SIM1: variants seen among roughly 807,000 people sequenced by gnomAD.
SIM1 encodes SIM bHLH transcription factor 1, also known as single-minded homolog 1.
In SIM1, 18 loss-of-function variants were observed where a neutral mutation model predicts 78.2. That is an observed-to-expected ratio of 0.23 (90% confidence interval 0.16 to 0.34). The LOEUF is 0.34. Among genes scored for constraint, SIM1 ranks in the 10% least tolerant of loss-of-function variants. SIM1 has a pLI of 1.00. For missense variants in SIM1, 939 were observed against 975.1 expected, an observed-to-expected ratio of 0.96 and a Z score of 0.49; for synonymous variants, 417 against 385.2, an observed-to-expected ratio of 1.08 and a Z score of -0.97.
intron 9 of SIM1, among the ~76,000 whole-genome samples, chr6:100,433,054 C>A (rs1400304065): frequency 6.6e-6 from 1 of 152,100 alleles, no homozygotes; most frequent in Non-Finnish European, 1.5e-5. Flanking sequence ...AAATCTGACC[C>A]CTCACCACTA....
At chr6:100,439,971 G>A (rs1772164588) in intron 9 of SIM1, among the ~76,000 whole-genome samples, 1 of 152,194 alleles carries the variant, frequency 6.6e-6, no homozygotes, top group South Asian at 2.1e-4. Flanking sequence ...GGAGGTTTGT[G>A]TGTTAAGGGA....
intron 2 of SIM1, among the ~76,000 whole-genome samples, chr6:100,456,304 C>A (rs1426093105): frequency 1.3e-5 from 2 of 152,100 alleles, no homozygotes; most frequent in Non-Finnish European, 2.9e-5. Context: ...CCTTCGGTGA[C>A]GCGCTCTAGC....
chr6:100,439,924 A>G (rs910461630), intron 9 of SIM1, among the ~76,000 whole-genome samples: 4 of 152,168 alleles, frequency 2.6e-5, no homozygotes, highest in African/African-American at 9.6e-5. Context: ...GCCTAACCAA[A>G]CTGCAGAAAT....
chr6:100,390,741 A>T lies in SIM1; in HGVS notation c.1921T>A (p.Leu641Met), dbSNP rs1320272389. The change falls in exon 12 of 12, where the codon TTG becomes ATG. Residue 641 changes from leucine to methionine, a missense_variant. Around this residue, in one of 5 missense-constraint regions of SIM1, gnomAD observed 556 missense variants for 521.9 expected, o/e 1.07. Coordinates refer to ENST00000369208, the MANE Select transcript of SIM1 (RefSeq NM_005068.3). Reference protein sequence around the residue: ...DHIQQREGKMLSPHENDYDNS... With the variant: ...DHIQQREGKMMSPHENDYDNS... The stretch of plus-strand genomic sequence containing the variant: ...TCATAGTCATTTTCATGGGGGCTCA[A>T]CATTTTTCCCTCTCTCTGCTGGATA... 6.2e-7 allele frequency: 1 copy of T among 1,614,116 alleles called. No individual in the cohort carries two copies. The highest frequency in any genetic ancestry group is 8.5e-7 in the Non-Finnish European group (1 of 1,180,016).
At chr6:100,441,397 G>A (rs1159533491) in intron 9 of SIM1, among the ~76,000 whole-genome samples, 3 of 152,026 alleles carry the variant, frequency 2.0e-5, no homozygotes, top group East Asian at 1.9e-4. Flanking sequence ...GGCAGAAAAG[G>A]GTCAATTCCT....
chr6:100,394,006 C>A, intron 10 of SIM1, 117 bp from the exon 11 acceptor site: 4 of 1,038,774 alleles, frequency 3.9e-6, no homozygotes, highest in Non-Finnish European at 5.3e-6. Flanking sequence ...GTCTCATTGT[C>A]CTGAGGTCGT....
intron 2 of SIM1, chr6:100,462,564 T>C (rs1012892468): frequency 6.6e-6 from 1 of 152,204 alleles, no homozygotes; most frequent in Non-Finnish European, 1.5e-5. Context: ...GACAATTTTC[T>C]CAGGATCTAT....
chr6:100,446,578 T>G lies in SIM1; in HGVS notation c.998+690A>C, dbSNP rs561940492. On this transcript the variant is annotated intron_variant, in intron 9 of 11. Transcript: ENST00000369208. ...GGCCACACTGGCAACCAGAAACGATTATTGTTTCTAGAAAGAATAAGGCTC... is the reference window on the plus strand; with the variant it reads ...GGCCACACTGGCAACCAGAAACGATGATTGTTTCTAGAAAGAATAAGGCTC... Among the ~76,000 whole-genome samples the G allele has an allele frequency of 2.0e-5, 3 of 152,326 alleles. No individual in the cohort carries two copies. The South Asian group carries it at 6.2e-4, about 32-fold the overall frequency.
At chr6:100,410,267 G>A (rs1771159883) in intron 10 of SIM1, among the ~76,000 whole-genome samples, 3 of 152,128 alleles carry the variant, frequency 2.0e-5, no homozygotes, top group East Asian at 1.9e-4. Context: ...CCCTAGATAC[G>A]TTTTGATAGT....
rs757203184 is a variant in SIM1 at position 100,393,728 on chromosome 6, G to A, written c.1329C>T (p.Ser443=). ...CAAGCGCAAAGCCATAGCAGAGAGA[G>A]CTGCGGTCCGAAAACTGTCTGTAGG... ...SCAYRQFSDR[S]SLCYGFALDH... is the part of the protein sequence containing the mutation. Residue 443 remains serine (S), a synonymous_variant, in exon 11 of 12, where the codon AGC becomes AGT. Transcript: ENST00000369208. 1 of 1,614,126 alleles carries A rather than the reference G, an allele frequency of 6.2e-7. No homozygotes were observed. Among genetic ancestry groups the A allele is most frequent in the East Asian group, 2.2e-5 (1 of 44,892 alleles).
Position 100,448,489 on chromosome 6 carries a change from G to T in SIM1, c.733C>A (p.Leu245Met). 6.2e-7 allele frequency: 1 copy of T among 1,613,900 alleles called. No individual in the cohort carries two copies. The highest frequency in any genetic ancestry group is 8.5e-7 in the Non-Finnish European group (1 of 1,179,980). Residue 245 changes from leucine (L) to methionine (M), a missense_variant, in exon 7 of 12, where the codon CTG (leucine) becomes ATG (methionine). Leu to Met is a conservative substitution (Grantham distance 15). This residue lies in a region of SIM1 where 187 missense variants were observed against 191.6 expected (regional missense o/e 0.98). Transcript: ENST00000369208. ...RASLDMKLIFLDSRVAELTGY... is the reference protein window; with the variant it reads ...RASLDMKLIFMDSRVAELTGY... ...GCCCTGCCCACCCACCTGGAGTCCA[G>T]AAAGATGAGCTTCATGTCCAGGCTG...
intron 9 of SIM1, among the ~76,000 whole-genome samples, chr6:100,431,124 C>T (rs993867905): frequency 3.3e-5 from 5 of 152,142 alleles, no homozygotes; most frequent in African/African-American, 1.2e-4. Flanking sequence ...ATTCTGAACT[C>T]CCCAGGAAAT....
intron 10 of SIM1, among the ~76,000 whole-genome samples, chr6:100,396,768 C>T (rs1770779548): frequency 6.6e-6 from 1 of 152,192 alleles, no homozygotes; most frequent in African/African-American, 2.4e-5. Flanking sequence ...GAGGACACTA[C>T]AGCCGCATTA....
At chr6:100,412,683 A>AAGAAAAAG (rs763796634) in intron 10 of SIM1, among the ~76,000 whole-genome samples, 17 of 77,042 alleles carry the variant, frequency 2.2e-4, no homozygotes, top group Non-Finnish European at 4.1e-4. Flanking sequence ...GAAAGAAAGA[A>AAGAAAAAG]AAAGAAAGAA....
At chr6:100,461,936 C>T (rs961336687) in intron 2 of SIM1, among the ~76,000 whole-genome samples, 1 of 146,354 alleles carries the variant, frequency 6.8e-6, no homozygotes, top group Non-Finnish European at 1.5e-5. Context: ...GTTCAAGGAA[C>T]TGCTTTAGGA....
chr6:100,439,001 T>C (rs891206402), intron 9 of SIM1, among the ~76,000 whole-genome samples: 10 of 152,164 alleles, frequency 6.6e-5, no homozygotes, highest in African/African-American at 2.4e-4. Context: ...GCATATTGGC[T>C]ACAGTGTACC....
chr6:100,449,330 A>C, intron 6 of SIM1, 33 bp downstream of exon 6: 1 of 1,586,846 alleles, frequency 6.3e-7, no homozygotes, highest in Non-Finnish European at 8.6e-7. Context: ...GCCTCCTCTG[A>C]CTCCACCCGG....
At chr6:100,453,377 T>C (rs1772562724) in intron 3 of SIM1, among the ~76,000 whole-genome samples, 1 of 152,188 alleles carries the variant, frequency 6.6e-6, no homozygotes, top group African/African-American at 2.4e-5. Context: ...GTTATTTCCT[T>C]TGGAAATCCT....
At chr6:100,447,211 T>A (rs1772378924) in intron 9 of SIM1, 57 bp downstream of exon 9, 2 of 1,575,092 alleles carry the variant, frequency 1.3e-6, no homozygotes, top group East Asian at 2.3e-5. Flanking sequence ...CCACCCGCAC[T>A]CTCGCAGAGA....
Sources: allele counts gnomAD v4.1 joint callset (sites outside exome capture counted in the v4.1 genomes callset), GRCh38; gene constraint gnomAD v4.1.1; regional missense constraint gnomAD v4.1.1; transcripts MANE v1.5; gene names NCBI Gene and HGNC (gene_info 2026-07-23, HGNC 2026-07-21).